CGGBP1: variants seen among roughly 807,000 people sequenced by gnomAD.
CGGBP1 encodes the protein CGG triplet repeat-binding protein 1.
Under a neutral mutation model 11.4 loss-of-function variants are expected in CGGBP1, and 4 were observed. The ratio of observed to expected loss-of-function variants is 0.35; its 90% CI spans 0.17 to 0.80. The LOEUF (loss-of-function observed/expected upper bound fraction) is 0.80. Ranked by LOEUF, CGGBP1 falls within the 30% of genes least tolerant of loss-of-function variation. The probability of loss-of-function intolerance (pLI) is 0.52; values close to 1 mark genes in which losing one functional copy is unlikely to be tolerated. For synonymous variants in CGGBP1, 76 were observed against 74.1 expected, an observed-to-expected ratio of 1.03 and a Z score of -0.13; for missense variants, 135 against 202.1, an observed-to-expected ratio of 0.67 and a Z score of 2.01.
chr3:88,136,248 T>C (rs1706776884), intron 2 of CGGBP1, among the ~76,000 whole-genome samples: 1 of 152,222 alleles, frequency 6.6e-6, no homozygotes, highest in South Asian at 2.1e-4. Context: ...TATATTATTA[T>C]AGAAAGTTTA....
At chr3:88,135,018 A>G (rs1706687755) in intron 2 of CGGBP1, 1 of 1,297,544 alleles carries the variant, frequency 7.7e-7, no homozygotes, top group African/African-American at 1.5e-5. Context: ...CTGTATTTGA[A>G]TAAACTGTAT....
intron 2 of CGGBP1, among the ~76,000 whole-genome samples, chr3:88,066,556 T>G (rs1363453794): frequency 6.6e-6 from 1 of 151,774 alleles, no homozygotes; most frequent in Non-Finnish European, 1.5e-5. Context: ...AGCGAGACTG[T>G]GTAAAACAAA....
chr3:88,135,139 G>A, intron 2 of CGGBP1: 1 of 1,489,522 alleles, frequency 6.7e-7, no homozygotes, highest in Non-Finnish European at 8.9e-7. Flanking sequence ...AATGCTACCA[G>A]CTTTTAAGAA....
chr3:88,087,369 C>G (rs987535774), intron 2 of CGGBP1, among the ~76,000 whole-genome samples: 88 of 152,188 alleles, frequency 5.8e-4, no homozygotes, highest in African/African-American at 2.1e-3. Context: ...GCTACCACAC[C>G]TGGCTGAAAA....
chr3:88,078,928 TTGA>T (rs534037207), intron 2 of CGGBP1, among the ~76,000 whole-genome samples: 3 of 152,088 alleles, frequency 2.0e-5, no homozygotes, highest in South Asian at 2.1e-4. Context: ...GTATACAACT[TTGA>T]TGATAAAAAA....
At chr3:88,097,007 C>T (rs1252744809) in intron 2 of CGGBP1, among the ~76,000 whole-genome samples, 1 of 152,142 alleles carries the variant, frequency 6.6e-6, no homozygotes, top group Non-Finnish European at 1.5e-5. Context: ...GAACACTGGT[C>T]ATCACATTGG....
At chr3:88,089,222 T>A (rs909184315) in intron 2 of CGGBP1, among the ~76,000 whole-genome samples, 1 of 140,464 alleles carries the variant, frequency 7.1e-6, no homozygotes, top group Non-Finnish European at 1.5e-5. Context: ...CCGGGTGCGG[T>A]GGCTCACGCC....
intron 2 of CGGBP1, among the ~76,000 whole-genome samples, chr3:88,089,693 A>G (rs1448512902): frequency 6.6e-6 from 1 of 152,088 alleles, no homozygotes; most frequent in Non-Finnish European, 1.5e-5. Context: ...AGCTCAGTTT[A>G]TTAACCAAGG....
In CGGBP1 at chr3:88,140,527, T is replaced by C. The variant is rs1559738522; in HGVS notation, c.-229+443A>G. On this transcript the variant is annotated intron_variant, in intron 2 of 3. Transcript: ENST00000462901. Reference sequence around the variant, plus strand: ...CGTTCTGATGACACTGTTTCAAATATAAGCTTGATAGACCAAAAGATGCCT... The same window carrying C: ...CGTTCTGATGACACTGTTTCAAATACAAGCTTGATAGACCAAAAGATGCCT... 2.5e-6 allele frequency: 4 copies of C among 1,613,698 alleles called. No individual in the cohort carries two copies. The African/African-American group carries it at 4.0e-5, about 16-fold the overall frequency.
At position 88,055,409 on chromosome 3, in the gene CGGBP1, C is replaced by T. The variant is rs1706518489; in HGVS notation, c.*64G>A. 7.4e-7 allele frequency: 1 copy of T among 1,358,674 alleles called. No homozygotes were observed. The highest frequency in any genetic ancestry group is 9.9e-7 in the Non-Finnish European group (1 of 1,009,436). The allele number at this position is 1,358,674 out of a possible 1,614,324, so 84.2% of individuals were successfully genotyped here. ...ATGAAATAAATACAAAAATGAACCA[C>T]ACAATCAACACATAACTTTAATACT... On this transcript the variant is annotated 3_prime_UTR_variant, in exon 4 of 4. Coordinates refer to ENST00000482016, the MANE Select transcript of CGGBP1 (RefSeq NM_001008390.2). This position sits in a 1 kb window ranked among gnomAD's most constrained non-coding sequence, Gnocchi z 4.2.
chr3:88,062,978 A>C (rs1401103272), upstream of CGGBP1, among the ~76,000 whole-genome samples: 1 of 152,234 alleles, frequency 6.6e-6, no homozygotes, highest in African/African-American at 2.4e-5. Flanking sequence ...TAGAAATGTT[A>C]CAATTCTTAA....
intron 2 of CGGBP1, among the ~76,000 whole-genome samples, chr3:88,121,301 T>G (rs1705755036): frequency 6.6e-6 from 1 of 152,170 alleles, no homozygotes. Context: ...AATGTTCCAG[T>G]TGAAAATTTT....
Position 88,055,981 on chromosome 3 carries a change from A to T in CGGBP1, c.-5T>A. 6.3e-7 allele frequency: 1 copy of T among 1,592,202 alleles called. No individual in the cohort carries two copies. The highest frequency in any genetic ancestry group is 2.2e-5 in the East Asian group (1 of 44,620). Reference sequence around the variant, plus strand: ...TGTTACTACAAATCGCTCCATTCTGACTCTAAATAAATATGGTTCTTTCAA... The same window carrying T: ...TGTTACTACAAATCGCTCCATTCTGTCTCTAAATAAATATGGTTCTTTCAA... On this transcript the variant is annotated 5_prime_UTR_variant, in exon 4 of 4. Transcript: ENST00000482016. The surrounding 1 kb of genome is among the most constrained non-coding windows in gnomAD (Gnocchi z 4.2).
chr3:88,148,218 G>A (rs962266060), intron 1 of CGGBP1, among the ~76,000 whole-genome samples: 2 of 152,060 alleles, frequency 1.3e-5, no homozygotes, highest in Admixed American at 1.3e-4. Flanking sequence ...AGCATCTCCT[G>A]GCCGACTATA....
intron 2 of CGGBP1, among the ~76,000 whole-genome samples, chr3:88,077,139 C>T (rs1707846639): frequency 6.6e-6 from 1 of 152,040 alleles, no homozygotes; most frequent in Admixed American, 6.6e-5. Flanking sequence ...CCAAACTTAC[C>T]ATGTCCAGAA....
intron 2 of CGGBP1, among the ~76,000 whole-genome samples, chr3:88,099,117 G>C (rs573191302): frequency 6.6e-6 from 1 of 152,172 alleles, no homozygotes. Context: ...TCCTTAAGCT[G>C]ATAGGCAACT....
In CGGBP1 at chr3:88,058,125, G is replaced by A. The variant is rs938105277; in HGVS notation, c.-232C>T. 6.6e-6 allele frequency: 1 copy of A among 152,216 alleles called. No individual in the cohort carries two copies. The highest frequency in any genetic ancestry group is 1.9e-4 in the East Asian group (1 of 5,198). 9.4% of individuals were successfully genotyped at this position (152,216 alleles called of 1,614,324 possible). The stretch of plus-strand genomic sequence containing the variant: ...GGCACTTTCCGTTTGTTCAACCCCG[G>A]AGATGCCTTCAAATCAGTTTTTCAA... On this transcript the variant is annotated 5_prime_UTR_variant, in exon 2 of 4. Transcript: ENST00000482016.
Position 88,053,534 on chromosome 3 carries a change from T to A in CGGBP1, c.*1939A>T, listed in dbSNP as rs1706475277. On this transcript the variant is annotated 3_prime_UTR_variant, in exon 4 of 4. Coordinates refer to ENST00000482016, the MANE Select transcript of CGGBP1 (RefSeq NM_001008390.2). ...AATGCAACATCATCCAGTTTACTGC[T>A]TAGGACCACTCTCAAAGCTGATCTG... is the stretch of plus-strand genomic sequence containing the variant. The A allele has an allele frequency of 2.0e-5, 3 of 152,240 alleles. No homozygotes were observed. The highest frequency in any genetic ancestry group is 7.2e-5 in the African/African-American group (3 of 41,460). 9.4% of individuals were successfully genotyped at this position (152,240 alleles called of 1,614,324 possible). A position where few individuals can be genotyped will look rare whatever the true frequency, so the allele number is the denominator to read the frequency against.
chr3:88,099,066 G>C (rs536637926), intron 2 of CGGBP1, among the ~76,000 whole-genome samples: 1 of 152,170 alleles, frequency 6.6e-6, no homozygotes, highest in African/African-American at 2.4e-5. Flanking sequence ...CAGATGACAT[G>C]ATTGTATATT....
Sources: allele counts gnomAD v4.1 joint callset (sites outside exome capture counted in the v4.1 genomes callset), GRCh38; gene constraint gnomAD v4.1.1; non-coding constraint Gnocchi (gnomAD v3.1); transcripts MANE v1.5; gene names NCBI Gene and HGNC (gene_info 2026-07-23, HGNC 2026-07-21).